Variants in SPARCL1 observed in about 807,000 individuals in gnomAD.
SPARCL1 encodes SPARC like 1, also known as SPARC-like protein 1.
Under a neutral mutation model 67.1 loss-of-function variants are expected in SPARCL1, and 52 were observed. The observed-to-expected ratio is 0.78, with a 90% CI of 0.62 to 0.98. The LOEUF is 0.98. Among genes scored for constraint, SPARCL1 ranks in the 50% least tolerant of loss-of-function variants. The pLI is 0.00. For synonymous variants in SPARCL1, 226 were observed against 267.8 expected (o/e 0.84, Z 1.52); for missense variants, 717 against 782.4 (o/e 0.92, Z 1.00).
intron 8 of SPARCL1, among the ~76,000 whole-genome samples, chr4:87,481,859 C>T (rs1723836007): frequency 6.6e-6 from 1 of 152,144 alleles, no homozygotes. Context: ...TGTCTCTTCA[C>T]CCAGAATGTA....
intron 4 of SPARCL1, among the ~76,000 whole-genome samples, chr4:87,491,954 CCA>C (rs1485372341): frequency 0.17 from 14,653 of 86,600 alleles, 1,329 homozygotes; most frequent in South Asian, 0.28. Context: ...ACCCCCCCCC[CCA>C]AAAAAAAAAA....
At chr4:87,482,668 A>C in intron 7 of SPARCL1, 108 bp from the exon 8 acceptor site, 84 of 1,244,170 alleles carry the variant, frequency 6.8e-5, no homozygotes, top group Non-Finnish European at 8.9e-5. Flanking sequence ...GAGCTTTCTC[A>C]GGTCCCCATT....
At chr4:87,510,150 T>C (rs923597158) in intron 1 of SPARCL1, among the ~76,000 whole-genome samples, 3 of 152,228 alleles carry the variant, frequency 2.0e-5, no homozygotes, top group Non-Finnish European at 2.9e-5. Flanking sequence ...TTTACTATTA[T>C]CTACTCTTTT....
At chr4:87,506,127 G>A (rs919305580) in intron 1 of SPARCL1, among the ~76,000 whole-genome samples, 4 of 152,228 alleles carry the variant, frequency 2.6e-5, no homozygotes, top group South Asian at 2.1e-4. Flanking sequence ...AATGTTCCAT[G>A]GGGGGCAAAA....
In SPARCL1 at chr4:87,479,567, T is replaced by C. The variant is rs758993186; in HGVS notation, c.1829A>G (p.His610Arg). ...DQHPMDRVLT[H>R]SELAPLRASL... is the part of the protein sequence containing the mutation. ...TGCTCGCAGAGGAGCAAGTTCAGAA[T>C]GTGTCAAGACTCTGCAATGAAATAC... The change falls in exon 10 of 11, where the codon CAT (histidine) becomes CGT (arginine). Residue 610 changes from histidine to arginine, a missense_variant. His to Arg is a conservative substitution (Grantham distance 29). Coordinates refer to ENST00000282470, the MANE Select transcript of SPARCL1 (RefSeq NM_004684.6). 2.5e-6 allele frequency: 4 copies of C among 1,614,094 alleles called. No homozygotes were observed. In the South Asian group the frequency reaches 4.4e-5, roughly 18 times the overall value.
chr4:87,496,964 T>C (rs756009115), intron 2 of SPARCL1, among the ~76,000 whole-genome samples: 5 of 152,138 alleles, frequency 3.3e-5, no homozygotes, highest in Non-Finnish European at 7.3e-5. Context: ...CTCCACCTGC[T>C]GGGTTCAAGC....
chr4:87,495,391 T>A (rs1242674356), intron 2 of SPARCL1, among the ~76,000 whole-genome samples: 1 of 152,218 alleles, frequency 6.6e-6, no homozygotes, highest in South Asian at 2.1e-4. Context: ...TAAATAATGG[T>A]AACTTTGAGT....
chr4:87,500,485 T>G (rs1724798509), intron 1 of SPARCL1, among the ~76,000 whole-genome samples: 1 of 152,156 alleles, frequency 6.6e-6, no homozygotes, highest in African/African-American at 2.4e-5. Flanking sequence ...TTTTGCAGGA[T>G]ATCCCTAAGT....
intron 10 of SPARCL1, among the ~76,000 whole-genome samples, chr4:87,477,869 A>G (rs939762867): frequency 1.3e-5 from 2 of 152,228 alleles, no homozygotes; most frequent in African/African-American, 2.4e-5. Context: ...TGCAGCATAG[A>G]CAACTAATAC....
chr4:87,501,291 C>G (rs748407014), intron 1 of SPARCL1, among the ~76,000 whole-genome samples: 1 of 152,056 alleles, frequency 6.6e-6, no homozygotes, highest in Non-Finnish European at 1.5e-5. Flanking sequence ...TCCCCTTTGT[C>G]TTTTTTCTTC....
chr4:87,496,977 T>C (rs1724644405), intron 2 of SPARCL1, among the ~76,000 whole-genome samples: 1 of 152,184 alleles, frequency 6.6e-6, no homozygotes, highest in Non-Finnish European at 1.5e-5. Context: ...GTTCAAGCAA[T>C]TCTCATGCCT....
At chr4:87,486,291 A>G (rs1411416443) in intron 7 of SPARCL1, among the ~76,000 whole-genome samples, 1 of 152,124 alleles carries the variant, frequency 6.6e-6, no homozygotes. Flanking sequence ...GTTTCAAAGA[A>G]CTTCCTTATT....
At chr4:87,482,028 G>A (rs1438095138) in intron 8 of SPARCL1, among the ~76,000 whole-genome samples, 1 of 152,146 alleles carries the variant, frequency 6.6e-6, no homozygotes, top group African/African-American at 2.4e-5. Flanking sequence ...ATATATTACT[G>A]ATATTTTGAG....
intron 2 of SPARCL1, among the ~76,000 whole-genome samples, chr4:87,498,768 T>C (rs1262653001): frequency 6.6e-6 from 1 of 152,226 alleles, no homozygotes; most frequent in East Asian, 1.9e-4. Context: ...TATCGTTTCC[T>C]GCCTAAACCA....
rs1003296140 is a variant in SPARCL1 at position 87,479,637 on chromosome 4, C to T, written c.1818-59G>A. On this transcript the variant is annotated intron_variant, in intron 9 of 10. Coordinates refer to ENST00000282470, the MANE Select transcript of SPARCL1 (RefSeq NM_004684.6). ...GTAGCTTGTGCATGAAGATTTAACT[C>T]TCAGGCTCACCAAGGACATTTTTCT... 3.2e-6 allele frequency: 5 copies of T among 1,543,442 alleles called. No individual in the cohort carries two copies. In the Admixed American group the frequency reaches 5.2e-5, roughly 16 times the overall value.
Position 87,495,069 on chromosome 4 carries a change from T to C in SPARCL1, c.113A>G (p.Asp38Gly). Residue 38 changes from aspartate to glycine, a missense_variant, in exon 3 of 11, where the codon GAC becomes GGC. Asp to Gly is a moderately conservative substitution (Grantham distance 94). Coordinates refer to ENST00000282470, the MANE Select transcript of SPARCL1 (RefSeq NM_004684.6). ...SKPTAETVAP[D>G]NTAIPSLRAE... ...CCTTAAACTGGGGATTGCAGTGTTG[T>C]CAGGTGCTACCGTTTCAGCAGTTGG... The C allele has an allele frequency of 6.2e-7, 1 of 1,613,156 alleles. No individual in the cohort carries two copies. The highest frequency in any genetic ancestry group is 1.3e-5 in the African/African-American group (1 of 74,980).
At chr4:87,527,617 C>T (rs1381631) in intron 1 of SPARCL1, among the ~76,000 whole-genome samples, 92,418 of 151,592 alleles carry the variant, frequency 0.61, 29,974 homozygotes, top group African/African-American at 0.84. Flanking sequence ...TGAGGAGCTA[C>T]TGGGGATTAA....
At chr4:87,524,974 C>A (rs1165715960) in intron 1 of SPARCL1, among the ~76,000 whole-genome samples, 1 of 151,938 alleles carries the variant, frequency 6.6e-6, no homozygotes, top group Non-Finnish European at 1.5e-5. Context: ...ACCAGCCTGG[C>A]CAACATGACA....
chr4:87,481,816 C>T (rs542367235), intron 8 of SPARCL1, among the ~76,000 whole-genome samples: 72 of 152,206 alleles, frequency 4.7e-4, no homozygotes, highest in Non-Finnish European at 8.5e-4. Context: ...ACATTACATA[C>T]ACACACACAT....
Sources: gnomAD v4.1 joint callset for allele counts (sites outside exome capture counted in the v4.1 genomes callset) on GRCh38, gnomAD v4.1.1 for gene constraint, MANE v1.5 for transcripts, NCBI Gene and HGNC (gene_info 2026-07-23, HGNC 2026-07-21) for gene names.